The following BCAS4 variants were observed in gnomAD, a reference collection of about 807,000 sequenced individuals.
BCAS4 encodes breast carcinoma amplified sequence 4, also known as breast carcinoma-amplified sequence 4.
BCAS4 carries 9 observed loss-of-function variants against 15.7 expected under a neutral mutation model. The observed-to-expected ratio is 0.57, with a 90% CI of 0.34 to 1.00. The LOEUF is 1.00. Ranked by LOEUF, BCAS4 falls within the 50% of genes least tolerant of loss-of-function variation. The pLI is 0.02. For missense variants in BCAS4, 225 were observed against 239.1 expected (o/e 0.94, Z 0.39); for synonymous variants, 101 against 99.5 (o/e 1.02, Z -0.09).
chr20:50,796,843 T>C (rs2087871808), intron 1 of BCAS4, among the ~76,000 whole-genome samples: 1 of 151,496 alleles, frequency 6.6e-6, no homozygotes. Context: ...TTTAATTTTT[T>C]TTTTTTTGAC....
rs1036719657 is a variant in BCAS4, at chr20:50,863,947, G to GC, written c.400-12532dup. ...TCCAGCCAAATCCATCTGCTCATGT[G>GC]CCCCCCCAAATTCTACCACCGTTGC... On this transcript the variant is annotated intron_variant, in intron 4 of 4. Transcript: ENST00000371608. Among the ~76,000 whole-genome samples, 78 of 152,198 alleles carry GC rather than the reference G, an allele frequency of 5.1e-4. 2 individuals carry two copies. In the East Asian group the frequency reaches 0.013, roughly 24 times the overall value.
Position 50,876,711 on chromosome 20 carries a change from A to C in BCAS4, c.*103A>C. 1 of 1,345,256 alleles carries C rather than the reference A, an allele frequency of 7.4e-7. No homozygotes were observed. The highest frequency in any genetic ancestry group is 2.8e-5 in the East Asian group (1 of 35,712). 83.3% of individuals were successfully genotyped at this position (1,345,256 alleles called of 1,614,324 possible). A position where few individuals can be genotyped will look rare whatever the true frequency, so the allele number is the denominator to read the frequency against. The stretch of plus-strand genomic sequence containing the variant: ...TTGCTGTTTATTTTATATTTTAAAA[A>C]TATTTAAAAAAATGTCGAGATGGGG... On this transcript the variant is annotated 3_prime_UTR_variant, in exon 5 of 5. Transcript: ENST00000371608.
intron 3 of BCAS4, 104 bp from the exon 4 acceptor site, chr20:50,841,662 C>T (rs928229594): frequency 7.4e-6 from 11 of 1,494,466 alleles, no homozygotes; most frequent in South Asian, 4.8e-5. Flanking sequence ...GGAGGCTGGT[C>T]GCAGTGATGA....
intron 1 of BCAS4, among the ~76,000 whole-genome samples, chr20:50,817,539 T>G (rs1460370555): frequency 2.0e-5 from 3 of 152,168 alleles, no homozygotes; most frequent in Non-Finnish European, 4.4e-5. Context: ...CTTGGCTCAC[T>G]GCAGCCTCCG....
At chr20:50,852,328 A>G (rs1335399125) in intron 4 of BCAS4, among the ~76,000 whole-genome samples, 1 of 152,174 alleles carries the variant, frequency 6.6e-6, no homozygotes, top group Non-Finnish European at 1.5e-5. Context: ...AGCCTGGAAC[A>G]GAGACCAGAG....
chr20:50,801,957 TAGAC>T (rs1200194091), intron 1 of BCAS4, among the ~76,000 whole-genome samples: 18 of 149,034 alleles, frequency 1.2e-4, no homozygotes, highest in African/African-American at 4.0e-4. Flanking sequence ...TGGGGGGAGG[TAGAC>T]AGGGCCACAC....
At chr20:50,868,625 A>G (rs73263622) in intron 4 of BCAS4, among the ~76,000 whole-genome samples, 181 of 152,180 alleles carry the variant, frequency 1.2e-3, no homozygotes, top group African/African-American at 4.3e-3. Flanking sequence ...GTCTCGTTCT[A>G]TTGCCTAGGC....
In BCAS4 at chr20:50,876,582, C is replaced by A. The variant is rs765712537; in HGVS notation, c.496C>A (p.Pro166Thr). Residue 166 changes from proline (P) to threonine (T), a missense_variant, in exon 5 of 5, where the codon CCC becomes ACC. Physicochemically the swap from Pro to Thr is conservative, Grantham distance 38. Transcript: ENST00000371608. ...PVDAGEAQHH[P>T]RTCPRPL ...GGACGCCGGGGAAGCACAGCACCAC[C>A]CCCGCACCTGCCCTCGGCCTTTGTG... The A allele has an allele frequency of 1.2e-6, 2 of 1,614,174 alleles. No individual in the cohort carries two copies. Among genetic ancestry groups the A allele is most frequent in the South Asian group, 1.1e-5 (1 of 91,078 alleles).
At chr20:50,842,316 A>G (rs1238850866) in intron 4 of BCAS4, among the ~76,000 whole-genome samples, 1 of 152,178 alleles carries the variant, frequency 6.6e-6, no homozygotes, top group Non-Finnish European at 1.5e-5. Flanking sequence ...TCCCTCCTGC[A>G]TATGGCTCTT....
At chr20:50,831,497 T>C (rs2088343321) in intron 3 of BCAS4, among the ~76,000 whole-genome samples, 1 of 152,184 alleles carries the variant, frequency 6.6e-6, no homozygotes, top group African/African-American at 2.4e-5. Context: ...GTCCCCACCA[T>C]GCCCTGTTGC....
At chr20:50,830,053 A>G (rs2088324605) in intron 2 of BCAS4, among the ~76,000 whole-genome samples, 1 of 152,160 alleles carries the variant, frequency 6.6e-6, no homozygotes, top group Non-Finnish European at 1.5e-5. Flanking sequence ...GGAAGTGATT[A>G]ATTTGTGGTT....
At chr20:50,846,517 A>G (rs1275998675) in intron 4 of BCAS4, 2 of 150,394 alleles carry the variant, frequency 1.3e-5, no homozygotes, top group African/African-American at 4.9e-5. Flanking sequence ...TTGTTCCGAG[A>G]TGGCTTCTCA....
chr20:50,818,150 G>A, intron 1 of BCAS4, 61 bp from the exon 2 acceptor site: 1 of 1,360,548 alleles, frequency 7.3e-7, no homozygotes, highest in Non-Finnish European at 1.0e-6. Flanking sequence ...AAAAAAAAAT[G>A]AAGGGTGTTT....
At chr20:50,823,528 G>A (rs1467177809) in intron 2 of BCAS4, among the ~76,000 whole-genome samples, 2 of 152,030 alleles carry the variant, frequency 1.3e-5, no homozygotes, top group East Asian at 1.9e-4. Flanking sequence ...GATATTGAAC[G>A]AAAGAAGTCA....
chr20:50,865,052 C>T (rs1186343577), intron 4 of BCAS4, among the ~76,000 whole-genome samples: 1 of 152,098 alleles, frequency 6.6e-6, no homozygotes, highest in Admixed American at 6.5e-5. Flanking sequence ...GAGATCGCAC[C>T]ACTGCACTCC....
chr20:50,838,425 A>T (rs1263108248), intron 3 of BCAS4, among the ~76,000 whole-genome samples: 2 of 152,182 alleles, frequency 1.3e-5, no homozygotes, highest in Non-Finnish European at 2.9e-5. Context: ...AGCCAGAAAG[A>T]CAGACTCGGC....
At chr20:50,828,110 G>A (rs542061470) in intron 2 of BCAS4, among the ~76,000 whole-genome samples, 1 of 152,036 alleles carries the variant, frequency 6.6e-6, no homozygotes, top group South Asian at 2.1e-4. Context: ...TGGTGTCATA[G>A]TGGAGAACAG....
intron 4 of BCAS4, among the ~76,000 whole-genome samples, chr20:50,842,141 T>A (rs1295722500): frequency 6.6e-6 from 1 of 152,146 alleles, no homozygotes; most frequent in Non-Finnish European, 1.5e-5. Flanking sequence ...CTGAGTGCCA[T>A]CTGAGGTTAC....
chr20:50,813,674 CT>C (rs965295871), intron 1 of BCAS4, among the ~76,000 whole-genome samples: 1,332 of 82,298 alleles, frequency 0.016, 2 homozygotes, highest in African/African-American at 0.059. Context: ...GGTGGAGGAC[CT>C]TTTTTTTTTT....
Sources: gnomAD v4.1 joint callset for allele counts (sites outside exome capture counted in the v4.1 genomes callset) on GRCh38, gnomAD v4.1.1 for gene constraint, MANE v1.5 for transcripts, NCBI Gene and HGNC (gene_info 2026-07-23, HGNC 2026-07-21) for gene names.